Variants in HIVEP1 observed in about 807,000 individuals in gnomAD.
HIVEP1 encodes the protein HIVEP zinc finger 1, also known as zinc finger protein 40.
HIVEP1 carries 36 observed loss-of-function variants against 180.0 expected under a neutral mutation model. The ratio of observed to expected loss-of-function variants is 0.20; its 90% confidence interval spans 0.15 to 0.26. The LOEUF (loss-of-function observed/expected upper bound fraction) is 0.26, where lower values mean the gene tolerates loss of function less well. Among genes scored for constraint, HIVEP1 ranks in the 10% least tolerant of loss-of-function variants. HIVEP1 has a pLI of 1.00. For synonymous variants in HIVEP1, 1,239 were observed against 1,239.0 expected (o/e 1.00, Z 0.00); for missense variants, 3,143 against 3,268.7 (o/e 0.96, Z 0.94).
chr6:12,017,548 C>A (rs1310120990), intron 2 of HIVEP1, among the ~76,000 whole-genome samples: 1 of 152,210 alleles, frequency 6.6e-6, no homozygotes, highest in African/African-American at 2.4e-5. Flanking sequence ...ACTGCTGCCT[C>A]CGGCAGCCTG....
the HIVEP1 span, among the ~76,000 whole-genome samples, chr6:12,206,734 A>G: frequency 1.3e-5 from 2 of 152,082 alleles, no homozygotes; most frequent in East Asian, 3.9e-4. Context: ...GTCTTTAGTT[A>G]TCCTCAATAT....
At position 12,117,028 on chromosome 6, in the gene HIVEP1, T is replaced by C. The variant is rs118185146; in HGVS notation, c.95-2862T>C. On this transcript the variant is annotated intron_variant, in intron 3 of 8. Transcript: ENST00000379388. ...AATAAATATGAAACAGTAAAGAATT[T>C]AATGGTGTGACAATTCAGTTGTCAA... is the stretch of plus-strand genomic sequence containing the variant. Among the ~76,000 whole-genome samples the C allele has an allele frequency of 7.7e-4, 117 of 152,304 alleles. 3 individuals carry two copies. The East Asian group carries it at 0.022, about 28-fold the overall frequency.
intron 7 of HIVEP1, among the ~76,000 whole-genome samples, chr6:12,142,362 A>G (rs529175815): frequency 2.6e-5 from 4 of 152,354 alleles, no homozygotes; most frequent in Admixed American, 1.3e-4. Context: ...ACATATCAGA[A>G]TCTCTGGGAC....
At chr6:12,127,730 A>G (rs1346413408) in intron 4 of HIVEP1, among the ~76,000 whole-genome samples, 1 of 152,268 alleles carries the variant, frequency 6.6e-6, no homozygotes, top group Non-Finnish European at 1.5e-5. Context: ...ACACTCCTGT[A>G]TGGAAACTGA....
At chr6:12,039,623 G>C (rs1437577111) in intron 2 of HIVEP1, among the ~76,000 whole-genome samples, 2 of 152,168 alleles carry the variant, frequency 1.3e-5, no homozygotes, top group African/African-American at 2.4e-5. Context: ...GTTAGAGGGA[G>C]GTCCTGGCAG....
chr6:12,179,374 C>T, the HIVEP1 span, among the ~76,000 whole-genome samples: 44 of 152,262 alleles, frequency 2.9e-4, no homozygotes, highest in African/African-American at 8.9e-4. Context: ...GCATTCCCTC[C>T]GCACCATCCA....
Position 12,018,243 on chromosome 6 carries a change from G to GC in HIVEP1, c.40+2580dup, listed in dbSNP as rs1561857541. ...AGCTGGCCTACAAGCGCCACGCGCG[G>GC]CCCCCGTTCCTGCCCGCGCTTCTTC... On this transcript the variant is annotated intron_variant, in intron 2 of 8. Transcript: ENST00000379388. 5.3e-5 allele frequency among the ~76,000 whole-genome samples: 8 copies of GC among 152,334 alleles called. No homozygotes were observed. The South Asian group carries it at 1.7e-3, about 32-fold the overall frequency.
chr6:12,196,943 A>G, the HIVEP1 span, among the ~76,000 whole-genome samples: 3 of 152,242 alleles, frequency 2.0e-5, no homozygotes, highest in African/African-American at 4.8e-5. Context: ...GCTAAGAATG[A>G]GGAATAAAAA....
At chr6:12,147,851 A>G (rs1367183631) in intron 7 of HIVEP1, among the ~76,000 whole-genome samples, 1 of 152,248 alleles carries the variant, frequency 6.6e-6, no homozygotes, top group Non-Finnish European at 1.5e-5. Context: ...CTATCAATTT[A>G]TTAAACTAGG....
At chr6:12,022,525 A>G (rs943547607) in intron 2 of HIVEP1, among the ~76,000 whole-genome samples, 3 of 152,200 alleles carry the variant, frequency 2.0e-5, no homozygotes, top group African/African-American at 7.2e-5. Flanking sequence ...CTATAAAGAC[A>G]AAGAGTTTGG....
At chr6:12,144,871 C>T (rs6920746) in intron 7 of HIVEP1, among the ~76,000 whole-genome samples, 1,853 of 152,298 alleles carry the variant, frequency 0.012, 35 homozygotes, top group African/African-American at 0.041. Flanking sequence ...TTGGAAGCAA[C>T]AGATGATGGA....
intron 2 of HIVEP1, among the ~76,000 whole-genome samples, chr6:12,086,810 C>T (rs1445377730): frequency 3.3e-5 from 5 of 151,974 alleles, no homozygotes; most frequent in Non-Finnish European, 2.9e-5. Context: ...TATATTTTTT[C>T]TCTGTCACGG....
intron 8 of HIVEP1, among the ~76,000 whole-genome samples, chr6:12,162,705 A>C (rs1562016461): frequency 2.0e-5 from 3 of 152,234 alleles, no homozygotes; most frequent in African/African-American, 7.2e-5. Context: ...CTCTATCCCA[A>C]AACCTCTCAG....
upstream of HIVEP1, among the ~76,000 whole-genome samples, chr6:12,011,019 C>T (rs1342615816): frequency 2.6e-5 from 4 of 152,086 alleles, no homozygotes; most frequent in Non-Finnish European, 4.4e-5. Flanking sequence ...CTCGCAGCTT[C>T]GGCACTGGGA....
intron 8 of HIVEP1, 62 bp from the exon 9 acceptor site, chr6:12,163,221 C>T: frequency 1.7e-6 from 2 of 1,208,432 alleles, no homozygotes; most frequent in Non-Finnish European, 2.4e-6. Flanking sequence ...TTAGCACTAG[C>T]TTTATATCTC....
chr6:12,056,677 T>C (rs1270808529), intron 2 of HIVEP1, among the ~76,000 whole-genome samples: 1 of 152,190 alleles, frequency 6.6e-6, no homozygotes, highest in East Asian at 1.9e-4. Flanking sequence ...TCTAGTGAAG[T>C]ATCAAATACT....
In HIVEP1 at chr6:12,067,499, ATT is replaced by A. The variant is rs113213888; in HGVS notation, c.41-21676_41-21675del. The stretch of plus-strand genomic sequence containing the variant: ...TTAATTTTAAAGTTTTTGAGCTTGG[ATT>A]TTTTTTTTAAGGTATATTTTTCTTG... On this transcript the variant is annotated intron_variant, in intron 2 of 8. Transcript: ENST00000379388. Among the ~76,000 whole-genome samples the A allele has an allele frequency of 1.2e-3, 175 of 150,400 alleles. 1 individual carries two copies. The highest frequency in any genetic ancestry group is 2.1e-3 in the Non-Finnish European group (144 of 67,450).
intron 2 of HIVEP1, among the ~76,000 whole-genome samples, chr6:12,081,587 C>A (rs2113284171): frequency 6.6e-6 from 1 of 152,228 alleles, no homozygotes; most frequent in East Asian, 1.9e-4. Context: ...TCGGCCTGGA[C>A]TCTTGATGCC....
intron 7 of HIVEP1, among the ~76,000 whole-genome samples, chr6:12,143,185 C>A (rs1260122302): frequency 6.6e-6 from 1 of 152,194 alleles, no homozygotes; most frequent in Non-Finnish European, 1.5e-5. Flanking sequence ...AGTTTATCCA[C>A]CATGATCAAG....
Sources: gnomAD v4.1 joint callset for allele counts (sites outside exome capture counted in the v4.1 genomes callset) on GRCh38, gnomAD v4.1.1 for gene constraint, MANE v1.5 for transcripts, NCBI Gene and HGNC (gene_info 2026-07-23, HGNC 2026-07-21) for gene names.